RPS6KC1: variants seen among roughly 807,000 people sequenced by gnomAD.
RPS6KC1 encodes the protein inactive ribosomal protein S6 kinase delta-1.
Under a neutral mutation model 103.8 loss-of-function variants are expected in RPS6KC1, and 54 were observed. The ratio of observed to expected loss-of-function variants is 0.52; its 90% CI spans 0.42 to 0.65. The LOEUF (loss-of-function observed/expected upper bound fraction) is 0.65, where lower values mean the gene tolerates loss of function less well. Among genes scored for constraint, RPS6KC1 ranks in the 30% least tolerant of loss-of-function variants. The pLI, the probability that RPS6KC1 is intolerant of heterozygous loss-of-function variation, is 0.00. For missense variants in RPS6KC1, 1,151 were observed against 1,253.8 expected (o/e 0.92, Z 1.24); for synonymous variants, 439 against 438.7 (o/e 1.00, Z -0.01).
chr1:213,419,978 A>G, the RPS6KC1 span, among the ~76,000 whole-genome samples: 1 of 152,206 alleles, frequency 6.6e-6, no homozygotes, highest in African/African-American at 2.4e-5. Context: ...ATTTCCATTC[A>G]CACATGAGCT....
the RPS6KC1 span, among the ~76,000 whole-genome samples, chr1:213,420,267 C>A: frequency 6.6e-6 from 1 of 152,186 alleles, no homozygotes; most frequent in Admixed American, 6.5e-5. Flanking sequence ...CCAAAGCTGT[C>A]CTGGTTTTCT....
rs1573480187 is a variant in RPS6KC1, at chr1:213,232,331, A to G, written c.1225+76A>G. The G allele has an allele frequency of 2.6e-6, 4 of 1,557,092 alleles. No individual in the cohort carries two copies. In the East Asian group the frequency reaches 6.7e-5, roughly 26 times the overall value. Reference sequence around the variant, plus strand: ...GCTTCCAGTTTCTCTCTGTCATTTCATGAGCAGATAGAATATATGAAACAC... The same window carrying G: ...GCTTCCAGTTTCTCTCTGTCATTTCGTGAGCAGATAGAATATATGAAACAC... On this transcript the variant is annotated intron_variant, in intron 10 of 14. Coordinates refer to ENST00000366960, the MANE Select transcript of RPS6KC1 (RefSeq NM_012424.6).
chr1:213,086,943 C>G (rs148041188), intron 3 of RPS6KC1, among the ~76,000 whole-genome samples: 1,581 of 152,122 alleles, frequency 0.01, 30 homozygotes, highest in African/African-American at 0.032. Flanking sequence ...TTTGTACTCT[C>G]CTCCCACCTC....
chr1:213,512,300 T>C, the RPS6KC1 span, among the ~76,000 whole-genome samples: 1 of 152,350 alleles, frequency 6.6e-6, no homozygotes. Context: ...AGAGTGAATA[T>C]CTTTATTAAG....
intron 7 of RPS6KC1, among the ~76,000 whole-genome samples, chr1:213,171,892 G>T (rs1216649944): frequency 6.6e-6 from 1 of 152,158 alleles, no homozygotes; most frequent in Non-Finnish European, 1.5e-5. Context: ...CATGGATGAA[G>T]CCAAATTCAG....
the RPS6KC1 span, among the ~76,000 whole-genome samples, chr1:213,759,124 C>G: frequency 3.3e-5 from 5 of 152,168 alleles, no homozygotes; most frequent in African/African-American, 1.2e-4. Flanking sequence ...CAGCCTTCAG[C>G]AACCACCACC....
the RPS6KC1 span, among the ~76,000 whole-genome samples, chr1:213,436,247 T>G: frequency 2.6e-5 from 4 of 152,224 alleles, no homozygotes; most frequent in African/African-American, 4.8e-5. Flanking sequence ...AAAAGTTCAG[T>G]TCTTGAATCA....
chr1:213,484,379 T>C, the RPS6KC1 span, among the ~76,000 whole-genome samples: 2 of 152,328 alleles, frequency 1.3e-5, no homozygotes, highest in East Asian at 3.9e-4. Flanking sequence ...GCTCACCCAC[T>C]TGGCTATTTG....
chr1:213,734,101 A>G, the RPS6KC1 span, among the ~76,000 whole-genome samples: 1 of 152,214 alleles, frequency 6.6e-6, no homozygotes, highest in Admixed American at 6.5e-5. Context: ...ATTATTGCTA[A>G]TTTACAATTC....
the RPS6KC1 span, among the ~76,000 whole-genome samples, chr1:213,688,894 C>G: frequency 6.6e-6 from 1 of 152,212 alleles, no homozygotes; most frequent in Non-Finnish European, 1.5e-5. Flanking sequence ...GGAAAACAGA[C>G]TTTCAGAAGC....
chr1:213,573,226 C>A, the RPS6KC1 span, among the ~76,000 whole-genome samples: 1 of 152,182 alleles, frequency 6.6e-6, no homozygotes, highest in Non-Finnish European at 1.5e-5. Context: ...ACATCTGCCT[C>A]CTGGAAACGC....
chr1:213,458,119 C>T, the RPS6KC1 span, among the ~76,000 whole-genome samples: 1 of 152,132 alleles, frequency 6.6e-6, no homozygotes, highest in African/African-American at 2.4e-5. Context: ...GCATAGTACT[C>T]AATAGGTAGT....
chr1:213,737,309 T>C, the RPS6KC1 span, among the ~76,000 whole-genome samples: 1 of 152,254 alleles, frequency 6.6e-6, no homozygotes, highest in East Asian at 1.9e-4. Flanking sequence ...TGGGGGGTTG[T>C]TGTTTGTTTG....
chr1:213,697,250 G>A, the RPS6KC1 span, among the ~76,000 whole-genome samples: 1 of 152,328 alleles, frequency 6.6e-6, no homozygotes, highest in African/African-American at 2.4e-5. Context: ...GCTATATAAT[G>A]AAGAGTGTCA....
intron 3 of RPS6KC1, among the ~76,000 whole-genome samples, chr1:213,097,767 C>G (rs1195931031): frequency 6.6e-6 from 1 of 152,246 alleles, no homozygotes; most frequent in Non-Finnish European, 1.5e-5. Flanking sequence ...GAAGCAGCCT[C>G]TACAGATCAG....
At chr1:213,279,096 G>C (rs1007675863), downstream of RPS6KC1, among the ~76,000 whole-genome samples, 1 of 152,050 alleles carries the variant, frequency 6.6e-6, no homozygotes, top group Non-Finnish European at 1.5e-5. Flanking sequence ...AGGTTGTGGG[G>C]AACTAGTGAT....
At chr1:213,186,820 G>C (rs765654702) in intron 8 of RPS6KC1, among the ~76,000 whole-genome samples, 1 of 152,076 alleles carries the variant, frequency 6.6e-6, no homozygotes, top group Non-Finnish European at 1.5e-5. Context: ...GAGCTTTCCA[G>C]TTCTTTCCTC....
chr1:213,782,857 T>A, the RPS6KC1 span, among the ~76,000 whole-genome samples: 1 of 152,192 alleles, frequency 6.6e-6, no homozygotes, highest in Non-Finnish European at 1.5e-5. Context: ...GGTCTAAACT[T>A]GCAGCCCTGA....
chr1:213,644,830 T>C, the RPS6KC1 span, among the ~76,000 whole-genome samples: 470 of 152,332 alleles, frequency 3.1e-3, 7 homozygotes, highest in African/African-American at 0.011. Context: ...AAGATCTTTT[T>C]ACTCATACCC....
Sources: gnomAD v4.1 joint callset for allele counts (sites outside exome capture counted in the v4.1 genomes callset) on GRCh38, gnomAD v4.1.1 for gene constraint, MANE v1.5 for transcripts, NCBI Gene and HGNC (gene_info 2026-07-23, HGNC 2026-07-21) for gene names.